Variants in ZNF841 observed in about 807,000 individuals in gnomAD.
The protein encoded by ZNF841 is zinc finger protein 841, also known as TCONS_00006091.
ZNF841 carries 11 observed loss-of-function variants against 13.0 expected under a neutral mutation model. That is an observed-to-expected ratio of 0.85 (90% confidence interval 0.53 to 1.40). The LOEUF (loss-of-function observed/expected upper bound fraction) is 1.40, where lower values mean the gene tolerates loss of function less well. ZNF841 is among the 40% of genes most tolerant of loss of function. ZNF841 has a pLI of 0.00. For missense variants in ZNF841, 1,068 were observed against 1,139.5 expected (o/e 0.94, Z 0.90); for synonymous variants, 369 against 381.6 (o/e 0.97, Z 0.38).
At chr19:52,069,889 G>A (rs2087691597) in intron 6 of ZNF841, among the ~76,000 whole-genome samples, 2 of 152,114 alleles carry the variant, frequency 1.3e-5, no homozygotes, top group Admixed American at 1.3e-4. Flanking sequence ...AAGCCAATAT[G>A]CTATCTCATT....
chr19:52,081,623 T>C (rs2088102066), intron 4 of ZNF841, among the ~76,000 whole-genome samples: 2 of 152,172 alleles, frequency 1.3e-5, no homozygotes, highest in Non-Finnish European at 2.9e-5. Context: ...GAGCCCAAGA[T>C]GGGGTAATTG....
chr19:52,081,434 A>C (rs1172724320), intron 4 of ZNF841, among the ~76,000 whole-genome samples: 1 of 152,250 alleles, frequency 6.6e-6, no homozygotes, highest in African/African-American at 2.4e-5. Context: ...AATAGCAGCC[A>C]CAAGAATGCT....
chr19:52,088,773 T>A (rs2088373984), intron 3 of ZNF841, among the ~76,000 whole-genome samples, 164 bp downstream of exon 3: 1 of 152,172 alleles, frequency 6.6e-6, no homozygotes, highest in Non-Finnish European at 1.5e-5. Flanking sequence ...TAAAAATTGA[T>A]CTCTGTGGTT....
chr19:52,062,968 C>T (rs966434468), downstream of ZNF841, among the ~76,000 whole-genome samples: 7 of 151,170 alleles, frequency 4.6e-5, no homozygotes, highest in East Asian at 2.0e-4. Flanking sequence ...CTCAGCCTCC[C>T]GGGTTCAAAC....
At chr19:52,064,388 A>AAAAAAT (rs1491063355), downstream of ZNF841, 1 of 148,056 alleles carries the variant, frequency 6.8e-6, no homozygotes, top group Non-Finnish European at 1.5e-5. Flanking sequence ...AAAAAAAAAA[A>AAAAAAT]ACTTAGCTAT....
At chr19:52,068,893 A>G (rs2087664099) in intron 6 of ZNF841, among the ~76,000 whole-genome samples, 1 of 151,554 alleles carries the variant, frequency 6.6e-6, no homozygotes, top group Non-Finnish European at 1.5e-5. Flanking sequence ...AATCACATAA[A>G]CCTGTAAGGG....
intron 2 of ZNF841, among the ~76,000 whole-genome samples, chr19:52,092,769 A>G (rs541905825): frequency 6.6e-6 from 1 of 152,356 alleles, no homozygotes; most frequent in East Asian, 1.9e-4. Context: ...ACCAGTAGTT[A>G]GAGATCATGC....
chr19:52,075,906 A>T, intron 6 of ZNF841, 138 bp downstream of exon 6: 1 of 1,235,246 alleles, frequency 8.1e-7, no homozygotes. Context: ...TGGAAAGCAA[A>T]GTGATAAGCA....
intron 2 of ZNF841, among the ~76,000 whole-genome samples, chr19:52,091,546 A>G (rs75791622): frequency 6.6e-6 from 1 of 152,208 alleles, no homozygotes; most frequent in African/African-American, 2.4e-5. Context: ...CACATATACA[A>G]CTAGCCTTTG....
Position 52,065,176 on chromosome 19 carries a change from C to G in ZNF841, c.2706G>C (p.Glu902Asp). 1.3e-6 allele frequency: 2 copies of G among 1,594,698 alleles called. No individual in the cohort carries two copies. Among genetic ancestry groups the G allele is most frequent in the Non-Finnish European group, 1.7e-6 (2 of 1,170,188 alleles). The change falls in exon 7 of 7, where the codon GAG (glutamate) becomes GAC (aspartate). Residue 902 changes from glutamate (E) to aspartate (D), a missense_variant. Coordinates refer to ENST00000594440, the MANE Select transcript of ZNF841 (RefSeq NM_001136499.2). ...LTKHQIKHAG[E>D]NLTTKLNVER... ...CCACATTGAGTTTAGTTGTAAGGTT[C>G]TCTCCAGCATGTTTTATCTGATGTT...
chr19:52,078,808 A>G (rs570954352), intron 4 of ZNF841, among the ~76,000 whole-genome samples: 2 of 152,280 alleles, frequency 1.3e-5, no homozygotes, highest in African/African-American at 4.8e-5. Flanking sequence ...TGTAGAGAAA[A>G]GAAAAAAATT....
intron 4 of ZNF841, among the ~76,000 whole-genome samples, chr19:52,084,167 T>C (rs1052856585): frequency 6.6e-6 from 1 of 152,096 alleles, no homozygotes; most frequent in Admixed American, 6.6e-5. Flanking sequence ...GGGATGGATA[T>C]GCTGAGAATG....
intron 5 of ZNF841, 125 bp downstream of exon 5, chr19:52,076,833 T>C: frequency 8.3e-7 from 1 of 1,206,978 alleles, no homozygotes; most frequent in Non-Finnish European, 1.2e-6. Context: ...ATGAAGCTTT[T>C]TATTTGTGAA....
chr19:52,067,576 T>C lies in ZNF841; in HGVS notation c.306A>G (p.Pro102=). Residue 102 remains proline (P), a synonymous_variant, in exon 7 of 7, where the codon CCA becomes CCG. Coordinates refer to ENST00000594440, the MANE Select transcript of ZNF841 (RefSeq NM_001136499.2). ...ISPKCVIKEL[P]PIQNSNTGEK... ...CTCCTGTGTTACTGTTCTGTATTGG[T>C]GGTAATTCCTTGATCACACATTTAG... is the stretch of plus-strand genomic sequence containing the variant. 3.2e-6 allele frequency: 5 copies of C among 1,557,272 alleles called. No individual in the cohort carries two copies. The highest frequency in any genetic ancestry group is 4.3e-6 in the Non-Finnish European group (5 of 1,156,568).
downstream of ZNF841, among the ~76,000 whole-genome samples, chr19:52,063,380 ACT>A (rs1315434112): frequency 4.0e-5 from 6 of 150,686 alleles, no homozygotes; most frequent in Non-Finnish European, 8.9e-5. Context: ...ACAGAGTCTC[ACT>A]CTTGTCACCC....
At chr19:52,090,334 G>C (rs1437909485) in intron 2 of ZNF841, among the ~76,000 whole-genome samples, 1 of 152,062 alleles carries the variant, frequency 6.6e-6, no homozygotes, top group Non-Finnish European at 1.5e-5. Flanking sequence ...GCTGAGGTGG[G>C]AGGATTGCTT....
At chr19:52,076,500 C>A in intron 5 of ZNF841, 1 of 298,598 alleles carries the variant, frequency 3.3e-6, no homozygotes, top group South Asian at 3.5e-5. Context: ...CTGTCTCTAC[C>A]TGGGCATGGT....
intron 4 of ZNF841, among the ~76,000 whole-genome samples, chr19:52,078,680 C>T (rs1206526758): frequency 7.9e-6 from 1 of 125,802 alleles, no homozygotes; most frequent in Non-Finnish European, 1.6e-5. Flanking sequence ...GCCTGGGTGA[C>T]AGAGCAAGAC....
At chr19:52,089,707 T>C (rs2088407621) in intron 2 of ZNF841, among the ~76,000 whole-genome samples, 2 of 152,210 alleles carry the variant, frequency 1.3e-5, no homozygotes, top group African/African-American at 4.8e-5. Context: ...CAAGTGCTTC[T>C]GCCAGACCTA....
Sources: gnomAD v4.1 joint callset for allele counts (sites outside exome capture counted in the v4.1 genomes callset) on GRCh38, gnomAD v4.1.1 for gene constraint, MANE v1.5 for transcripts, NCBI Gene and HGNC (gene_info 2026-07-23, HGNC 2026-07-21) for gene names.